The following PCDHA1 variants were observed in gnomAD, a reference collection of about 807,000 sequenced individuals.
PCDHA1 encodes protocadherin alpha-1.
PCDHA1 carries 42 observed loss-of-function variants against 61.3 expected under a neutral mutation model. That is an observed-to-expected ratio of 0.69 (90% confidence interval 0.54 to 0.89). PCDHA1 has a LOEUF of 0.89. Among genes scored for constraint, PCDHA1 ranks in the 40% least tolerant of loss-of-function variants. The probability of loss-of-function intolerance (pLI) is 0.00; values close to 1 mark genes in which losing one functional copy is unlikely to be tolerated. For missense variants in PCDHA1, 1,256 were observed against 1,235.3 expected, an observed-to-expected ratio of 1.02 and a Z score of -0.25; for synonymous variants, 610 against 553.8, an observed-to-expected ratio of 1.10 and a Z score of -1.43.
At chr5:140,994,726 G>A (rs774837274) in intron 3 of PCDHA1, among the ~76,000 whole-genome samples, 1 of 151,958 alleles carries the variant, frequency 6.6e-6, no homozygotes, top group Non-Finnish European at 1.5e-5. Flanking sequence ...TAAAATACTG[G>A]GTATTGCAGG....
At position 140,967,577 on chromosome 5, in the gene PCDHA1, C is replaced by T. The variant is rs141338011; in HGVS notation, c.2395-11372C>T. Reference sequence around the variant, plus strand: ...TCGCGTCCAGCTACGGGAGGACTCACCCCCAGGCACATTGGTGGTGAAGCT... The same window carrying T: ...TCGCGTCCAGCTACGGGAGGACTCATCCCCAGGCACATTGGTGGTGAAGCT... On this transcript the variant is annotated intron_variant, in intron 1 of 3. Transcript: ENST00000504120. 11 of 1,614,016 alleles carry T rather than the reference C, an allele frequency of 6.8e-6. No homozygotes were observed. Among genetic ancestry groups the T allele is most frequent in the African/African-American group, 4.0e-5 (3 of 74,938 alleles).
At chr5:140,928,671 T>C in intron 1 of PCDHA1, 7 of 1,614,214 alleles carry the variant, frequency 4.3e-6, no homozygotes, top group Non-Finnish European at 5.9e-6. Context: ...GTGGTTCTAA[T>C]GCCTGGCTTT....
chr5:140,841,203 T>C, intron 1 of PCDHA1: 1 of 1,324,274 alleles, frequency 7.6e-7, no homozygotes, highest in Non-Finnish European at 1.0e-6. Flanking sequence ...TCTGACAGCA[T>C]CTGTCTCTAA....
chr5:140,957,014 G>A (rs2095325954), intron 1 of PCDHA1, among the ~76,000 whole-genome samples: 1 of 152,124 alleles, frequency 6.6e-6, no homozygotes, highest in South Asian at 2.1e-4. Flanking sequence ...ATTTCTCAGT[G>A]AGCATTTAGA....
intron 1 of PCDHA1, chr5:140,830,799 G>A (rs1297330386): frequency 6.3e-6 from 1 of 158,848 alleles, no homozygotes; most frequent in African/African-American, 2.4e-5. Flanking sequence ...AATTATATGG[G>A]ATTTTCATTT....
rs1284021507 is a variant in PCDHA1 at position 140,883,838 on chromosome 5, G to A, written c.2395-95111G>A. The A allele has an allele frequency of 1.9e-6, 3 of 1,612,620 alleles. No individual in the cohort carries two copies. In the Admixed American group the frequency reaches 5.0e-5, roughly 27 times the overall value. ...CAAGGTGTACGCGCTGCAGCCGTTG[G>A]ACCACGAGGAGCTGGAGCTGTTGCA... On this transcript the variant is annotated intron_variant, in intron 1 of 3. Coordinates refer to ENST00000504120, the MANE Select transcript of PCDHA1 (RefSeq NM_018900.4).
At position 140,923,025 on chromosome 5, in the gene PCDHA1, C is replaced by G. The variant is rs547252764; in HGVS notation, c.2395-55924C>G. ...GGTTGTTGGACTGCAGTTTCGGACTCTATTACTACATGTATAGTATTTAGA... is the reference window on the plus strand; with the variant it reads ...GGTTGTTGGACTGCAGTTTCGGACTGTATTACTACATGTATAGTATTTAGA... On this transcript the variant is annotated intron_variant, in intron 1 of 3. Coordinates refer to ENST00000504120, the MANE Select transcript of PCDHA1 (RefSeq NM_018900.4). 2.6e-5 allele frequency among the ~76,000 whole-genome samples: 4 copies of G among 152,296 alleles called. No homozygotes were observed. The East Asian group carries it at 7.7e-4, about 29-fold the overall frequency.
chr5:140,842,964 A>G, intron 1 of PCDHA1: 1 of 1,594,990 alleles, frequency 6.3e-7, no homozygotes, highest in East Asian at 2.2e-5. Flanking sequence ...CTGGGCAGCA[A>G]CGTGACGCTG....
At chr5:140,796,587 C>T in intron 1 of PCDHA1, 1 of 1,613,340 alleles carries the variant, frequency 6.2e-7, no homozygotes, top group Non-Finnish European at 8.5e-7. Flanking sequence ...GGGATGCGGG[C>T]GTGCCGCCTC....
At chr5:140,977,043 T>G (rs2096743110) in intron 1 of PCDHA1, among the ~76,000 whole-genome samples, 1 of 152,226 alleles carries the variant, frequency 6.6e-6, no homozygotes. Flanking sequence ...AGGATGTTGT[T>G]GCTGATGGAC....
chr5:140,843,243 A>G, intron 1 of PCDHA1: 2 of 1,595,128 alleles, frequency 1.3e-6, no homozygotes, highest in Non-Finnish European at 1.7e-6. Context: ...GACGAAGCGG[A>G]CTCTCCGCGC....
chr5:140,901,907 A>C (rs1204627106), intron 1 of PCDHA1, among the ~76,000 whole-genome samples: 1 of 150,942 alleles, frequency 6.6e-6, no homozygotes, highest in African/African-American at 2.4e-5. Context: ...CATTGTGGAG[A>C]TCTTTCACTT....
chr5:141,011,509 G>C lies in PCDHA1; in HGVS notation c.*1572G>C, dbSNP rs2098420853. ...TTTTGTACACCTGTGAAAAAGTGGA[G>C]TAGTGTTTTTTTAACCATTGTTAAT... is the stretch of plus-strand genomic sequence containing the variant. On this transcript the variant is annotated 3_prime_UTR_variant, in exon 4 of 4. Coordinates refer to ENST00000504120, the MANE Select transcript of PCDHA1 (RefSeq NM_018900.4). The C allele has an allele frequency of 6.5e-6, 1 of 153,760 alleles. No individual in the cohort carries two copies. The highest frequency in any genetic ancestry group is 1.5e-5 in the Non-Finnish European group (1 of 68,040). The allele number at this position is 153,760 out of a possible 1,614,324, so 9.5% of individuals were successfully genotyped here.
chr5:140,982,507 G>C lies in PCDHA1; in HGVS notation c.2486G>C (p.Arg829Pro). 6.2e-7 allele frequency: 1 copy of C among 1,614,138 alleles called. No homozygotes were observed. ...CACCTAGAGGAGGCTGGCATTCTAC[G>C]GGCTGGTCCAGGAGGGCCTGATCAG... ...SVHLEEAGIL[R>P]AGPGGPDQQW... is the part of the protein sequence containing the mutation. The change falls in exon 3 of 4, where the codon CGG becomes CCG. Residue 829 changes from arginine to proline, a missense_variant. Coordinates refer to ENST00000504120, the MANE Select transcript of PCDHA1 (RefSeq NM_018900.4).
At chr5:140,977,661 CTGCA>C (rs1554238727) in intron 1 of PCDHA1, among the ~76,000 whole-genome samples, 1 of 152,168 alleles carries the variant, frequency 6.6e-6, no homozygotes, top group Non-Finnish European at 1.5e-5. Flanking sequence ...GGCTAATTCT[CTGCA>C]TGCCAAATAT....
chr5:140,891,076 A>G (rs2062939819), intron 1 of PCDHA1, among the ~76,000 whole-genome samples: 1 of 152,160 alleles, frequency 6.6e-6, no homozygotes, highest in African/African-American at 2.4e-5. Flanking sequence ...TCCAGTGTCT[A>G]CTGGTTTCCA....
intron 3 of PCDHA1, among the ~76,000 whole-genome samples, chr5:140,986,642 T>C (rs1213431039): frequency 6.6e-6 from 1 of 152,174 alleles, no homozygotes; most frequent in Non-Finnish European, 1.5e-5. Flanking sequence ...ACATTAGTTT[T>C]AGAGTGGGAG....
At chr5:141,000,415 A>T (rs1462372394) in intron 3 of PCDHA1, among the ~76,000 whole-genome samples, 8 of 87,370 alleles carry the variant, frequency 9.2e-5, no homozygotes, top group African/African-American at 2.5e-4. Flanking sequence ...ATATATATAT[A>T]TATATATTTT....
rs558780713 is a variant in PCDHA1, at chr5:140,870,170, T to C, written c.2394+81486T>C. ...GAAGTCGCCGTGACTTCCTTGTCCCTCCCAGTACGAGAGGACGCTCAGCCC... is the reference window on the plus strand; with the variant it reads ...GAAGTCGCCGTGACTTCCTTGTCCCCCCCAGTACGAGAGGACGCTCAGCCC... On this transcript the variant is annotated intron_variant, in intron 1 of 3. Coordinates refer to ENST00000504120, the MANE Select transcript of PCDHA1 (RefSeq NM_018900.4). 8 of 1,614,100 alleles carry C rather than the reference T, an allele frequency of 5.0e-6. No homozygotes were observed. In the Admixed American group the frequency reaches 1.0e-4, roughly 20 times the overall value.
Sources: gnomAD v4.1 joint callset for allele counts (sites outside exome capture counted in the v4.1 genomes callset) on GRCh38, gnomAD v4.1.1 for gene constraint, MANE v1.5 for transcripts, NCBI Gene and HGNC (gene_info 2026-07-23, HGNC 2026-07-21) for gene names.